VWA2: variants seen among roughly 807,000 people sequenced by gnomAD.
VWA2 encodes the protein von Willebrand factor A domain containing 2, also known as von Willebrand factor A domain-containing protein 2.
Under a neutral mutation model 70.4 loss-of-function variants are expected in VWA2, and 73 were observed. That is an observed-to-expected ratio of 1.04 (90% CI 0.86 to 1.26). VWA2 has a LOEUF of 1.26. Among genes scored for constraint, VWA2 ranks in the 50% most tolerant of loss-of-function variants. The probability of loss-of-function intolerance (pLI) is 0.00; values close to 1 mark genes in which losing one functional copy is unlikely to be tolerated. For synonymous variants in VWA2, 407 were observed against 423.3 expected, an observed-to-expected ratio of 0.96 and a Z score of 0.47; for missense variants, 1,011 against 998.5, an observed-to-expected ratio of 1.01 and a Z score of -0.17.
Position 114,289,451 on chromosome 10 carries a change from G to C in VWA2, c.2084G>C (p.Arg695Pro). 2 of 1,614,136 alleles carry C rather than the reference G, an allele frequency of 1.2e-6. No homozygotes were observed. Among genetic ancestry groups the C allele is most frequent in the Non-Finnish European group, 8.5e-7 (1 of 1,180,036 alleles). Residue 695 changes from arginine to proline, a missense_variant, in exon 12 of 14, where the codon CGG becomes CCG. Physicochemically the swap from Arg to Pro is moderately radical, Grantham distance 103. Coordinates refer to ENST00000392982, the MANE Select transcript of VWA2 (RefSeq NM_001272046.2). Reference sequence around the variant, plus strand: ...CACGTGGCAGCTTACGCCGACCTGCGGTACCACCAGGACGTGCTCATTGAG... The same window carrying C: ...CACGTGGCAGCTTACGCCGACCTGCCGTACCACCAGGACGTGCTCATTGAG... ...LIHVAAYADL[R>P]YHQDVLIEWL...
chr10:114,252,493 T>C (rs185064609), intron 2 of VWA2, among the ~76,000 whole-genome samples: 5 of 152,248 alleles, frequency 3.3e-5, no homozygotes, highest in African/African-American at 9.6e-5. Context: ...AGTGCTGAGT[T>C]AGTAGGTTGA....
At chr10:114,248,030 C>T (rs1246483509) in intron 1 of VWA2, among the ~76,000 whole-genome samples, 2 of 151,742 alleles carry the variant, frequency 1.3e-5, no homozygotes, top group African/African-American at 4.8e-5. Flanking sequence ...TCACTTGAAC[C>T]CCGGGAGGCG....
Position 114,291,235 on chromosome 10 carries a change from T to A in VWA2, c.2266T>A (p.Ter756ArgextTer53). The change falls in exon 14 of 14, where the codon TGA becomes AGA. Residue 756 changes from the stop codon to arginine, a stop_lost. Coordinates refer to ENST00000392982, the MANE Select transcript of VWA2 (RefSeq NM_001272046.2). ...HCENRFLRRP[*>R] is the part of the protein sequence containing the mutation. Reference sequence around the variant, plus strand: ...TTCCCCAGGATTCTTGAGACGCCCCTGAGGCACATGGCTCCCGTGCAGGAG... The same window carrying A: ...TTCCCCAGGATTCTTGAGACGCCCCAGAGGCACATGGCTCCCGTGCAGGAG... 1 of 1,550,360 alleles carries A rather than the reference T, an allele frequency of 6.5e-7. No individual in the cohort carries two copies. The highest frequency in any genetic ancestry group is 8.7e-7 in the Non-Finnish European group (1 of 1,146,904).
At chr10:114,277,704 G>C (rs1160279628) in intron 6 of VWA2, among the ~76,000 whole-genome samples, 1 of 152,182 alleles carries the variant, frequency 6.6e-6, no homozygotes, top group African/African-American at 2.4e-5. Context: ...TCTGTTACCA[G>C]CTATGCTTGC....
Position 114,277,843 on chromosome 10 carries a change from C to T in VWA2, c.567-71C>T, listed in dbSNP as rs543140074. 2.8e-5 allele frequency: 42 copies of T among 1,512,760 alleles called. No homozygotes were observed. In the South Asian group the frequency reaches 3.0e-4, roughly 11 times the overall value. The allele number at this position is 1,512,760 out of a possible 1,614,324, so 93.7% of individuals were successfully genotyped here. A position where few individuals can be genotyped will look rare whatever the true frequency, so the allele number is the denominator to read the frequency against. On this transcript the variant is annotated intron_variant, in intron 6 of 13. Coordinates refer to ENST00000392982, the MANE Select transcript of VWA2 (RefSeq NM_001272046.2). ...TGTGCTGCCATCCACAAGGAACCCA[C>T]GGCCTAGAAGATGAGGGGGCAGGAG...
chr10:114,282,011 T>C lies in VWA2; in HGVS notation c.834-505T>C, dbSNP rs539322955. On this transcript the variant is annotated intron_variant, in intron 8 of 13. Coordinates refer to ENST00000392982, the MANE Select transcript of VWA2 (RefSeq NM_001272046.2). ...AATTTCAAATGTGATAGCCAGCTTA[T>C]GTTACCTTTTTTTTTTGAGATGGAG... Among the ~76,000 whole-genome samples, 17 of 125,508 alleles carry C rather than the reference T, an allele frequency of 1.4e-4. No homozygotes were observed. In the East Asian group the frequency reaches 4.3e-3, roughly 32 times the overall value. The allele number at this position is 125,508 out of a possible 152,430, so 82.3% of individuals were successfully genotyped here.
At chr10:114,256,358 GTATAA>G (rs2037327579) in intron 4 of VWA2, among the ~76,000 whole-genome samples, 1 of 152,180 alleles carries the variant, frequency 6.6e-6, no homozygotes, top group African/African-American at 2.4e-5. Flanking sequence ...CAAATGGTGT[GTATAA>G]TATGTTACTT....
At chr10:114,243,146 A>G (rs747256395) in intron 1 of VWA2, among the ~76,000 whole-genome samples, 1 of 152,040 alleles carries the variant, frequency 6.6e-6, no homozygotes, top group Non-Finnish European at 1.5e-5. Context: ...ACAAACATGA[A>G]CTCTCTTCTG....
chr10:114,268,769 A>C (rs2037633834), intron 5 of VWA2, among the ~76,000 whole-genome samples: 1 of 148,818 alleles, frequency 6.7e-6, no homozygotes, highest in Non-Finnish European at 1.5e-5. Context: ...ATCTTGGCTC[A>C]CTGCAAGCTC....
In VWA2 at chr10:114,291,576, C is replaced by T. The variant is rs1403134133; in HGVS notation, c.*339C>T. 3.6e-6 allele frequency: 1 copy of T among 276,938 alleles called. No individual in the cohort carries two copies. The highest frequency in any genetic ancestry group is 6.8e-6 in the Non-Finnish European group (1 of 146,972). 17.2% of individuals were successfully genotyped at this position (276,938 alleles called of 1,614,324 possible). The stretch of plus-strand genomic sequence containing the variant: ...TTTCCCTTGAGGATAAACAAGGGGT[C>T]CTGAAGACTTAAATTTAGCGGCCTG... On this transcript the variant is annotated 3_prime_UTR_variant, in exon 14 of 14. Coordinates refer to ENST00000392982, the MANE Select transcript of VWA2 (RefSeq NM_001272046.2).
intron 3 of VWA2, among the ~76,000 whole-genome samples, 191 bp downstream of exon 3, chr10:114,253,916 C>T (rs1029978136): frequency 6.6e-6 from 1 of 151,762 alleles, no homozygotes; most frequent in African/African-American, 2.4e-5. Flanking sequence ...AAAGTGGGTG[C>T]CTGTAATTCC....
Position 114,294,164 on chromosome 10 carries a change from C to T in VWA2, c.*2927C>T, listed in dbSNP as rs910132506. ...GGTCATTATGCATCATTCTATAAACCCTGCTGAATTTTTCATTTGCCAACA... is the reference window on the plus strand; with the variant it reads ...GGTCATTATGCATCATTCTATAAACTCTGCTGAATTTTTCATTTGCCAACA... On this transcript the variant is annotated 3_prime_UTR_variant, in exon 14 of 14. Coordinates refer to ENST00000392982, the MANE Select transcript of VWA2 (RefSeq NM_001272046.2). Among the ~76,000 whole-genome samples, 1 of 151,930 alleles carries T rather than the reference C, an allele frequency of 6.6e-6. No individual in the cohort carries two copies. Among genetic ancestry groups the T allele is most frequent in the Admixed American group, 6.6e-5 (1 of 15,262 alleles).
chr10:114,256,744 A>G (rs2037336922), intron 4 of VWA2, among the ~76,000 whole-genome samples: 3 of 151,972 alleles, frequency 2.0e-5, no homozygotes, highest in African/African-American at 4.8e-5. Context: ...CCTTGTCTCT[A>G]CTAAAAATAC....
chr10:114,282,697 G>A (rs552694514), intron 9 of VWA2, 126 bp downstream of exon 9: 1 of 751,192 alleles, frequency 1.3e-6, no homozygotes, highest in East Asian at 2.6e-5. Context: ...AGAGGGATGG[G>A]GCACTTGGGG....
chr10:114,270,209 C>T (rs963262587), intron 5 of VWA2, among the ~76,000 whole-genome samples: 5 of 152,146 alleles, frequency 3.3e-5, no homozygotes, highest in Non-Finnish European at 7.3e-5. Flanking sequence ...AGATGAGAGT[C>T]AGGTGCCTTC....
rs1564728949 is a variant in VWA2 at position 114,278,823 on chromosome 10, G to C, written c.805G>C (p.Val269Leu). 1.2e-6 allele frequency: 2 copies of C among 1,613,332 alleles called. No individual in the cohort carries two copies. ...GAGAGGATCGCGGCGGACCCTTGCG[G>C]TGCTGGCTGCACACTGTCCCTTCTA... Reference protein sequence around the residue: ...CWRGSRRTLAVLAAHCPFYSW... With the variant: ...CWRGSRRTLALLAAHCPFYSW... Residue 269 changes from valine (V) to leucine (L), a missense_variant, in exon 8 of 14, where the codon GTG becomes CTG. Val to Leu is a conservative substitution (Grantham distance 32). Coordinates refer to ENST00000392982, the MANE Select transcript of VWA2 (RefSeq NM_001272046.2).
At chr10:114,247,584 C>G (rs899297860) in intron 1 of VWA2, among the ~76,000 whole-genome samples, 10 of 152,006 alleles carry the variant, frequency 6.6e-5, no homozygotes, top group African/African-American at 2.4e-4. Context: ...CAGACAAGAG[C>G]CACCGCGAAG....
intron 10 of VWA2, among the ~76,000 whole-genome samples, 188 bp downstream of exon 10, chr10:114,285,158 GT>G (rs1370985857): frequency 6.6e-6 from 1 of 152,218 alleles, no homozygotes; most frequent in Non-Finnish European, 1.5e-5. Flanking sequence ...GATAATTGGG[GT>G]GGCTGAGCTC....
In VWA2 at chr10:114,278,175, G is replaced by T; in HGVS notation, c.700+128G>T. 5.3e-6 allele frequency: 7 copies of T among 1,331,134 alleles called. 1 individual carries two copies. In the South Asian group the frequency reaches 1.0e-4, roughly 20 times the overall value. 82.5% of individuals were successfully genotyped at this position (1,331,134 alleles called of 1,614,324 possible). ...CAGGCAAGAGAAACAGAGACCGGCA[G>T]CCTCCACCCTGGATGCTCTGCGTCT... On this transcript the variant is annotated intron_variant, in intron 7 of 13. Coordinates refer to ENST00000392982, the MANE Select transcript of VWA2 (RefSeq NM_001272046.2).
Sources: gnomAD v4.1 joint callset for allele counts (sites outside exome capture counted in the v4.1 genomes callset) on GRCh38, gnomAD v4.1.1 for gene constraint, MANE v1.5 for transcripts, NCBI Gene and HGNC (gene_info 2026-07-23, HGNC 2026-07-21) for gene names.